TENM2: variants seen among roughly 807,000 people sequenced by gnomAD.
TENM2 encodes teneurin-2.
Under a neutral mutation model 245.2 loss-of-function variants are expected in TENM2, and 52 were observed. The observed-to-expected ratio is 0.21, with a 90% confidence interval of 0.17 to 0.27. The LOEUF is 0.27. Among genes scored for constraint, TENM2 ranks in the 10% least tolerant of loss-of-function variants. The pLI, the probability that TENM2 is intolerant of heterozygous loss-of-function variation, is 1.00. For synonymous variants in TENM2, 1,363 were observed against 1,438.9 expected (o/e 0.95, Z 1.19); for missense variants, 3,046 against 3,666.8 (o/e 0.83, Z 4.37).
At chr5:167,180,080 G>A in the TENM2 span, among the ~76,000 whole-genome samples, 534 of 148,344 alleles carry the variant, frequency 3.6e-3, 3 homozygotes, top group Middle Eastern at 0.067. Flanking sequence ...TTCCTCTCCA[G>A]CCCTTTTCAG....
At chr5:167,121,697 T>A in the TENM2 span, among the ~76,000 whole-genome samples, 1 of 152,320 alleles carries the variant, frequency 6.6e-6, no homozygotes. Flanking sequence ...TTTGAAAGTC[T>A]CTAGGAGTAC....
chr5:167,349,895 T>C (rs1274879756), intron 1 of TENM2, among the ~76,000 whole-genome samples: 2 of 145,778 alleles, frequency 1.4e-5, no homozygotes, highest in African/African-American at 2.8e-5. Context: ...ATTGAAAAAT[T>C]ATAATTTTAC....
rs1460759024 is a variant in TENM2 at position 167,375,502 on chromosome 5, C to A, written c.502+29C>A. On this transcript the variant is annotated intron_variant, in intron 2 of 28. Transcript: ENST00000518659. ...GGCCTGCTTCTTAAATACCTTTTAA[C>A]GTTCTGTGCACTGCACCACGTGGGG... is the stretch of plus-strand genomic sequence containing the variant. The A allele has an allele frequency of 4.5e-6, 7 of 1,548,348 alleles. No homozygotes were observed. The African/African-American group carries it at 8.2e-5, about 18-fold the overall frequency.
chr5:167,321,735 C>T (rs925604237), intron 1 of TENM2, among the ~76,000 whole-genome samples: 7 of 140,876 alleles, frequency 5.0e-5, no homozygotes, highest in African/African-American at 1.9e-4. Context: ...TGTTTATTTC[C>T]CCTTAATGTC....
At chr5:167,761,087 T>C (rs1762633215) in intron 2 of TENM2, among the ~76,000 whole-genome samples, 1 of 152,140 alleles carries the variant, frequency 6.6e-6, no homozygotes, top group Non-Finnish European at 1.5e-5. Context: ...TATCTAAACT[T>C]TCTGCTTTTC....
the TENM2 span, among the ~76,000 whole-genome samples, chr5:167,195,724 A>T: frequency 6.6e-6 from 1 of 151,984 alleles, no homozygotes; most frequent in Admixed American, 6.6e-5. Flanking sequence ...AAGAATACAT[A>T]TTTGAATGCC....
chr5:168,037,266 G>A (rs1489059885), intron 5 of TENM2, among the ~76,000 whole-genome samples: 1 of 152,082 alleles, frequency 6.6e-6, no homozygotes, highest in African/African-American at 2.4e-5. Flanking sequence ...GCCTAATTTG[G>A]CTTTGCTGAA....
At chr5:167,881,492 G>C (rs528183252) in intron 3 of TENM2, among the ~76,000 whole-genome samples, 2 of 152,206 alleles carry the variant, frequency 1.3e-5, no homozygotes, top group African/African-American at 4.8e-5. Context: ...ATAAATGAAT[G>C]AGTGTCTATA....
At chr5:167,072,629 G>A in the TENM2 span, among the ~76,000 whole-genome samples, 1 of 152,186 alleles carries the variant, frequency 6.6e-6, no homozygotes, top group Non-Finnish European at 1.5e-5. Context: ...CAATTTCTAT[G>A]AAATAGGGGC....
intron 14 of TENM2, among the ~76,000 whole-genome samples, chr5:168,194,877 A>T (rs1761270044): frequency 6.6e-6 from 1 of 152,158 alleles, no homozygotes; most frequent in South Asian, 2.1e-4. Flanking sequence ...CCTGGGAATG[A>T]TGAGGGACAG....
At chr5:167,117,371 C>T in the TENM2 span, among the ~76,000 whole-genome samples, 9 of 152,156 alleles carry the variant, frequency 5.9e-5, no homozygotes, top group East Asian at 7.8e-4. Flanking sequence ...GGTGTGGTGG[C>T]GAGCACCTGT....
chr5:167,353,942 A>G (rs1237316532), intron 1 of TENM2, among the ~76,000 whole-genome samples: 1 of 152,246 alleles, frequency 6.6e-6, no homozygotes, highest in East Asian at 1.9e-4. Context: ...CTAGTATCCC[A>G]TGCATATTGT....
the TENM2 span, among the ~76,000 whole-genome samples, chr5:167,229,582 A>G: frequency 6.6e-6 from 1 of 152,214 alleles, no homozygotes; most frequent in African/African-American, 2.4e-5. Context: ...AGTGGGTGCC[A>G]GCTCTGATGG....
chr5:168,217,185 A>C (rs1015253711), intron 22 of TENM2, among the ~76,000 whole-genome samples: 1 of 152,226 alleles, frequency 6.6e-6, no homozygotes, highest in Non-Finnish European at 1.5e-5. Context: ...CAGCCGTGGC[A>C]GATTACAGGG....
chr5:167,411,366 G>A (rs1300044080), intron 2 of TENM2, among the ~76,000 whole-genome samples: 2 of 152,048 alleles, frequency 1.3e-5, no homozygotes, highest in African/African-American at 4.8e-5. Context: ...TAATATTTGA[G>A]AAAGTCTTTC....
chr5:167,902,159 A>G (rs1775754557), intron 3 of TENM2, among the ~76,000 whole-genome samples: 1 of 152,072 alleles, frequency 6.6e-6, no homozygotes, highest in Admixed American at 6.6e-5. Flanking sequence ...TTTGTGCATG[A>G]GAGTGGAGTG....
At chr5:167,522,306 G>A (rs1770812304) in intron 2 of TENM2, among the ~76,000 whole-genome samples, 1 of 152,054 alleles carries the variant, frequency 6.6e-6, no homozygotes, top group Admixed American at 6.6e-5. Context: ...AACAAAAATG[G>A]CACTTTATTA....
At chr5:167,204,824 A>T in the TENM2 span, among the ~76,000 whole-genome samples, 4 of 152,216 alleles carry the variant, frequency 2.6e-5, no homozygotes, top group Non-Finnish European at 5.9e-5. Context: ...AAACCCAGAA[A>T]ATTGTATTCT....
chr5:167,087,988 C>T, the TENM2 span, among the ~76,000 whole-genome samples: 1 of 152,044 alleles, frequency 6.6e-6, no homozygotes, highest in East Asian at 1.9e-4. Context: ...CAAGGTTTCA[C>T]CATATTGGCC....
Sources: allele counts gnomAD v4.1 joint callset (sites outside exome capture counted in the v4.1 genomes callset), GRCh38; gene constraint gnomAD v4.1.1; transcripts MANE v1.5; gene names NCBI Gene and HGNC (gene_info 2026-07-23, HGNC 2026-07-21).